Variants in AKAP13 observed in about 807,000 individuals in gnomAD.
AKAP13 encodes A-kinase anchoring protein 13.
Under a neutral mutation model 264.5 loss-of-function variants are expected in AKAP13, and 80 were observed. The ratio of observed to expected loss-of-function variants is 0.30; its 90% CI spans 0.25 to 0.36. AKAP13 has a LOEUF of 0.36. Ranked by LOEUF, AKAP13 falls within the 10% of genes least tolerant of loss-of-function variation. The probability of loss-of-function intolerance (pLI) is 1.00; values close to 1 mark genes in which losing one functional copy is unlikely to be tolerated. For missense variants in AKAP13, 3,712 were observed against 3,435.2 expected, an observed-to-expected ratio of 1.08 and a Z score of -2.01; for synonymous variants, 1,380 against 1,250.2, an observed-to-expected ratio of 1.10 and a Z score of -2.19.
At chr15:85,731,809 C>T (rs139212657) in intron 30 of AKAP13, among the ~76,000 whole-genome samples, 514 of 152,174 alleles carry the variant, frequency 3.4e-3, no homozygotes, top group Non-Finnish European at 5.2e-3. Context: ...GGGCCAGGCA[C>T]GGTGGCTCAT....
In AKAP13 at chr15:85,746,550, CT is replaced by C. The variant is rs780696781; in HGVS notation, c.*1876del. 4.6e-5 allele frequency: 7 copies of C among 152,276 alleles called. No homozygotes were observed. Among genetic ancestry groups the C allele is most frequent in the Non-Finnish European group, 8.8e-5 (6 of 68,026 alleles). The allele number at this position is 152,276 out of a possible 1,614,324, so 9.4% of individuals were successfully genotyped here. On this transcript the variant is annotated 3_prime_UTR_variant, in exon 37 of 37. Coordinates refer to ENST00000394518, the MANE Select transcript of AKAP13 (RefSeq NM_007200.5). ...AAGAAACTCGCCACCTCTGACCTAC[CT>C]TTGCCTTTTTCTGTCATGGAGAATA...
intron 17 of AKAP13, among the ~76,000 whole-genome samples, chr15:85,701,795 G>A (rs766478085): frequency 7.4e-6 from 1 of 134,408 alleles, no homozygotes; most frequent in Non-Finnish European, 1.6e-5. Context: ...AATAGTTTAA[G>A]TTGGGCTTGA....
intron 17 of AKAP13, among the ~76,000 whole-genome samples, chr15:85,703,955 A>G (rs2086085366): frequency 6.6e-6 from 1 of 152,046 alleles, no homozygotes; most frequent in Non-Finnish European, 1.5e-5. Flanking sequence ...AGTTGCAGAA[A>G]GAATTTTGTA....
chr15:85,716,205 T>A (rs372309460), intron 20 of AKAP13, among the ~76,000 whole-genome samples: 1 of 152,116 alleles, frequency 6.6e-6, no homozygotes, highest in Non-Finnish European at 1.5e-5. Context: ...AAAAGATGAT[T>A]TTTTAGATCA....
intron 36 of AKAP13, 158 bp from the exon 37 acceptor site, chr15:85,744,470 A>G: frequency 5.3e-6 from 4 of 750,416 alleles, no homozygotes; most frequent in Non-Finnish European, 9.3e-6. Context: ...GAACCTTATT[A>G]ACCAAATTTG....
chr15:85,451,046 G>T (rs1016270435), intron 1 of AKAP13, among the ~76,000 whole-genome samples: 2 of 152,132 alleles, frequency 1.3e-5, no homozygotes, highest in African/African-American at 4.8e-5. Flanking sequence ...CCTCTGTTGG[G>T]TGCATATATA....
chr15:85,427,422 T>C (rs2072843680), intron 1 of AKAP13, among the ~76,000 whole-genome samples: 1 of 152,146 alleles, frequency 6.6e-6, no homozygotes, highest in Non-Finnish European at 1.5e-5. Context: ...GAGGCCTGTG[T>C]AATCCTAAAC....
At chr15:85,608,470 A>G (rs1395558504) in intron 8 of AKAP13, among the ~76,000 whole-genome samples, 2 of 152,182 alleles carry the variant, frequency 1.3e-5, no homozygotes, top group African/African-American at 4.8e-5. Context: ...CTTTAAGGCA[A>G]TTATTATTTG....
At chr15:85,490,000 C>T (rs1315469791) in intron 2 of AKAP13, among the ~76,000 whole-genome samples, 1 of 152,180 alleles carries the variant, frequency 6.6e-6, no homozygotes, top group East Asian at 1.9e-4. Flanking sequence ...GTTAGGCAAG[C>T]TAGTTACATC....
At chr15:85,737,996 G>A (rs1336012149) in intron 33 of AKAP13, among the ~76,000 whole-genome samples, 1 of 152,168 alleles carries the variant, frequency 6.6e-6, no homozygotes, top group Non-Finnish European at 1.5e-5. Flanking sequence ...ATCAGGGTAA[G>A]AAATAGTACA....
Position 85,727,992 on chromosome 15 carries a change from T to G in AKAP13, c.7087+529T>G, listed in dbSNP as rs1220982016. ...TGACTGTTTTGTGTAGTCTTGTCAG[T>G]ATCCCTGCAACACAGGCATTCTAAT... On this transcript the variant is annotated intron_variant, in intron 29 of 36. Coordinates refer to ENST00000394518, the MANE Select transcript of AKAP13 (RefSeq NM_007200.5). The surrounding 1 kb of genome is among the most constrained non-coding windows in gnomAD (Gnocchi z 5.3). Among the ~76,000 whole-genome samples the G allele has an allele frequency of 6.6e-6, 1 of 152,176 alleles. No individual in the cohort carries two copies. The highest frequency in any genetic ancestry group is 2.4e-5 in the African/African-American group (1 of 41,430).
intron 1 of AKAP13, among the ~76,000 whole-genome samples, chr15:85,432,162 T>C (rs2073051912): frequency 6.6e-6 from 1 of 152,190 alleles, no homozygotes; most frequent in African/African-American, 2.4e-5. Flanking sequence ...CTCTTTTAGC[T>C]ATTTCAACTC....
At chr15:85,683,685 G>C (rs1002620590) in intron 15 of AKAP13, 3 of 152,212 alleles carry the variant, frequency 2.0e-5, no homozygotes, top group African/African-American at 7.2e-5. Flanking sequence ...TGGCGAGGCT[G>C]GTCTTGAACT....
chr15:85,454,939 AC>A (rs768926528), intron 1 of AKAP13, among the ~76,000 whole-genome samples: 3 of 152,180 alleles, frequency 2.0e-5, no homozygotes, highest in Non-Finnish European at 4.4e-5. Flanking sequence ...ATTTTTAGGC[AC>A]CAAAAATCAC....
chr15:85,465,617 C>G (rs1428155404), intron 1 of AKAP13, among the ~76,000 whole-genome samples: 1 of 150,434 alleles, frequency 6.6e-6, no homozygotes, highest in African/African-American at 2.5e-5. Flanking sequence ...TTTTTTTGTC[C>G]TTGTGATAGT....
At chr15:85,636,616 T>G (rs2082080367) in intron 8 of AKAP13, among the ~76,000 whole-genome samples, 1 of 17,046 alleles carries the variant, frequency 5.9e-5, no homozygotes, top group South Asian at 1.1e-3. Context: ...ATTTTGCTGA[T>G]TTTTTTTTTT....
At chr15:85,556,355 C>T (rs919140022) in intron 5 of AKAP13, among the ~76,000 whole-genome samples, 3 of 152,184 alleles carry the variant, frequency 2.0e-5, no homozygotes, top group Non-Finnish European at 4.4e-5. Flanking sequence ...ATATGCAGTG[C>T]ATTACAACAT....
Position 85,579,125 on chromosome 15 carries a change from C to T in AKAP13, c.1057C>T (p.Pro353Ser). ...PGSPVAQTES[P>S]CDLSSIVEEE... Reference sequence around the variant, plus strand: ...GAGCCCTGTTGCACAGACTGAAAGTCCCTGTGATTTGTCAAGCATAGTTGA... The same window carrying T: ...GAGCCCTGTTGCACAGACTGAAAGTTCCTGTGATTTGTCAAGCATAGTTGA... Residue 353 changes from proline to serine, a missense_variant, in exon 7 of 37, where the codon CCC (proline) becomes TCC (serine). Pro to Ser is a moderately conservative substitution (Grantham distance 74, BLOSUM62 -1). Coordinates refer to ENST00000394518, the MANE Select transcript of AKAP13 (RefSeq NM_007200.5). 1 of 1,614,138 alleles carries T rather than the reference C, an allele frequency of 6.2e-7. No individual in the cohort carries two copies. Among genetic ancestry groups the T allele is most frequent in the Non-Finnish European group, 8.5e-7 (1 of 1,180,034 alleles).
rs545473033 is a variant in AKAP13, at chr15:85,661,422, T to A, written c.4799+2832T>A. Among the ~76,000 whole-genome samples the A allele has an allele frequency of 9.3e-4, 141 of 152,268 alleles. 3 individuals are homozygous for A. The highest frequency in any genetic ancestry group is 2.8e-3 in the African/African-American group (115 of 41,572). ...TCAGTGCCATAGAATTCCTTTTTTTTAAATTTTTATTATCAGCCAGGTGCG... is the reference window on the plus strand; with the variant it reads ...TCAGTGCCATAGAATTCCTTTTTTTAAAATTTTTATTATCAGCCAGGTGCG... On this transcript the variant is annotated intron_variant, in intron 12 of 36. Coordinates refer to ENST00000394518, the MANE Select transcript of AKAP13 (RefSeq NM_007200.5).
Sources: allele counts gnomAD v4.1 joint callset (sites outside exome capture counted in the v4.1 genomes callset), GRCh38; gene constraint gnomAD v4.1.1; non-coding constraint Gnocchi (gnomAD v3.1); transcripts MANE v1.5; gene names NCBI Gene and HGNC (gene_info 2026-07-23, HGNC 2026-07-21).